PTPRN2: variants seen among roughly 807,000 people sequenced by gnomAD.
PTPRN2 encodes receptor-type tyrosine-protein phosphatase N2.
PTPRN2 carries 74 observed loss-of-function variants against 118.8 expected under a neutral mutation model. The observed-to-expected ratio is 0.62, with a 90% CI of 0.52 to 0.76. The LOEUF (loss-of-function observed/expected upper bound fraction) is 0.76. Among genes scored for constraint, PTPRN2 ranks in the 30% least tolerant of loss-of-function variants. PTPRN2 has a pLI of 0.00. For missense variants in PTPRN2, 1,481 were observed against 1,394.4 expected (o/e 1.06, Z -0.99); for synonymous variants, 641 against 608.0 (o/e 1.05, Z -0.80).
At chr7:157,952,482 A>G (rs1800898582) in intron 11 of PTPRN2, among the ~76,000 whole-genome samples, 1 of 150,708 alleles carries the variant, frequency 6.6e-6, no homozygotes, top group South Asian at 2.1e-4. Context: ...ACACAGGGAG[A>G]CAGGCGAGGG....
chr7:157,657,412 T>C (rs1235533247), intron 13 of PTPRN2, among the ~76,000 whole-genome samples: 1 of 97,082 alleles, frequency 1.0e-5, no homozygotes, highest in Non-Finnish European at 2.0e-5. Context: ...ACATCACACA[T>C]ATACACACAC....
chr7:158,481,264 G>T (rs563673561), intron 2 of PTPRN2, among the ~76,000 whole-genome samples: 1 of 152,312 alleles, frequency 6.6e-6, no homozygotes, highest in African/African-American at 2.4e-5. Flanking sequence ...TTACAGCATG[G>T]TTTACTGAAT....
chr7:158,487,718 C>G (rs1282141602), intron 2 of PTPRN2, among the ~76,000 whole-genome samples: 2 of 152,142 alleles, frequency 1.3e-5, no homozygotes, highest in East Asian at 1.9e-4. Flanking sequence ...CCGCCAGCCT[C>G]GGGCTAAACC....
chr7:157,613,209 T>C (rs982961392), intron 15 of PTPRN2, among the ~76,000 whole-genome samples: 6 of 152,202 alleles, frequency 3.9e-5, no homozygotes, highest in African/African-American at 1.4e-4. Context: ...TCGAGGGCGC[T>C]GACGAGGCCG....
chr7:157,995,892 T>A (rs1163866195), intron 11 of PTPRN2, among the ~76,000 whole-genome samples: 1 of 152,160 alleles, frequency 6.6e-6, no homozygotes, highest in South Asian at 2.1e-4. Flanking sequence ...CATCAGTGGA[T>A]GAATGGATAA....
chr7:158,372,294 AGCTGGTCCCCCCAAC>A (rs1203684839), intron 2 of PTPRN2, among the ~76,000 whole-genome samples: 15 of 148,920 alleles, frequency 1.0e-4, no homozygotes, highest in African/African-American at 1.8e-4. Flanking sequence ...TGGTCCCCGG[AGCTGGTCCCCCCAAC>A]GCTGGTCCCC....
chr7:157,646,541 G>T (rs1032476713), intron 14 of PTPRN2, among the ~76,000 whole-genome samples: 5 of 152,190 alleles, frequency 3.3e-5, no homozygotes, highest in African/African-American at 1.2e-4. Flanking sequence ...CTGTATAGCA[G>T]TGTGACAACA....
At chr7:158,383,864 C>T (rs865941043) in intron 2 of PTPRN2, among the ~76,000 whole-genome samples, 2 of 152,274 alleles carry the variant, frequency 1.3e-5, no homozygotes, top group South Asian at 2.1e-4. Flanking sequence ...TACAGAATTA[C>T]GTAATAACGT....
intron 22 of PTPRN2, among the ~76,000 whole-genome samples, chr7:157,543,629 T>C (rs1798118688): frequency 6.6e-6 from 1 of 152,230 alleles, no homozygotes; most frequent in Non-Finnish European, 1.5e-5. Flanking sequence ...TGTGCTTATG[T>C]TTATATTTGT....
chr7:158,353,435 A>G (rs956855568), intron 2 of PTPRN2, among the ~76,000 whole-genome samples: 1 of 152,242 alleles, frequency 6.6e-6, no homozygotes, highest in Non-Finnish European at 1.5e-5. Context: ...CTAAGACCAC[A>G]CTTGTCATAC....
chr7:158,193,271 C>T (rs1012414188), intron 4 of PTPRN2, among the ~76,000 whole-genome samples: 10 of 152,162 alleles, frequency 6.6e-5, no homozygotes, highest in Admixed American at 1.3e-4. Context: ...GGGACAGCTG[C>T]GTGCTGAAGG....
At chr7:158,287,106 T>C (rs934523629) in intron 3 of PTPRN2, among the ~76,000 whole-genome samples, 5 of 152,194 alleles carry the variant, frequency 3.3e-5, no homozygotes, top group African/African-American at 1.2e-4. Flanking sequence ...TTTCCATTTC[T>C]TCTGGGTTAT....
chr7:158,030,262 A>G (rs12538297), intron 11 of PTPRN2: 10,892 of 152,270 alleles, frequency 0.072, 441 homozygotes, highest in Admixed American at 0.095. Flanking sequence ...CACCAGAAGC[A>G]GGCATGGTGC....
intron 8 of PTPRN2, among the ~76,000 whole-genome samples, chr7:158,136,306 G>A (rs7803631): frequency 0.34 from 52,028 of 152,098 alleles, 9,165 homozygotes; most frequent in East Asian, 0.5. Context: ...TCAGGAATCC[G>A]CACATGCAGG....
chr7:157,571,845 C>T (rs938078964), intron 19 of PTPRN2, among the ~76,000 whole-genome samples: 4 of 152,192 alleles, frequency 2.6e-5, no homozygotes, highest in Non-Finnish European at 5.9e-5. Context: ...TTTTGTTACA[C>T]TACATCTTGA....
chr7:157,661,603 A>C (rs1246705921), intron 13 of PTPRN2, among the ~76,000 whole-genome samples: 1 of 151,326 alleles, frequency 6.6e-6, no homozygotes. Context: ...GAATGGGATG[A>C]TGGGGAAGCC....
intron 11 of PTPRN2, among the ~76,000 whole-genome samples, chr7:158,046,858 T>C (rs991114628): frequency 6.6e-6 from 1 of 152,218 alleles, no homozygotes; most frequent in African/African-American, 2.4e-5. Flanking sequence ...TCTTCCTTCC[T>C]GGTGTGTGTA....
intron 14 of PTPRN2, among the ~76,000 whole-genome samples, chr7:157,650,719 G>T (rs1805595692): frequency 6.6e-6 from 1 of 152,262 alleles, no homozygotes; most frequent in African/African-American, 2.4e-5. Flanking sequence ...CTGGGGCCAG[G>T]GGAGCGCCTG....
intron 2 of PTPRN2, among the ~76,000 whole-genome samples, chr7:158,461,452 T>C (rs1040684570): frequency 2.0e-5 from 3 of 149,226 alleles, no homozygotes; most frequent in Admixed American, 1.4e-4. Context: ...GCTGAGATGG[T>C]GCCACTGCAC....
Sources: gnomAD v4.1 joint callset for allele counts (sites outside exome capture counted in the v4.1 genomes callset) on GRCh38, gnomAD v4.1.1 for gene constraint, MANE v1.5 for transcripts, NCBI Gene and HGNC (gene_info 2026-07-23, HGNC 2026-07-21) for gene names.